MED23: variants seen among roughly 807,000 people sequenced by gnomAD.
The protein encoded by MED23 is mediator complex subunit 23.
A neutral mutation model predicts 163.9 loss-of-function variants in MED23; 105 were observed. That is an observed-to-expected ratio of 0.64 (90% CI 0.55 to 0.75). The LOEUF (loss-of-function observed/expected upper bound fraction) is 0.75, where lower values mean the gene tolerates loss of function less well. MED23 is among the 30% of genes least tolerant of loss of function. MED23 has a pLI of 0.00. For missense variants in MED23, 1,054 were observed against 1,649.0 expected (o/e 0.64, Z 6.25); for synonymous variants, 561 against 565.6 (o/e 0.99, Z 0.12).
chr6:131,589,416 G>A (rs1774423677), intron 28 of MED23, 49 bp downstream of exon 28: 1 of 1,539,302 alleles, frequency 6.5e-7, no homozygotes, highest in African/African-American at 1.4e-5. Context: ...ATATGTTCAA[G>A]TTTTCTAAAT....
rs1384855581 is a variant in MED23, at chr6:131,586,820, C to T, written c.*859G>A. ...GCAATGCCAATTCCCCCAAAATTAACAATGTCTCTCAAAATCCAAGAAATA... is the reference window on the plus strand; with the variant it reads ...GCAATGCCAATTCCCCCAAAATTAATAATGTCTCTCAAAATCCAAGAAATA... On this transcript the variant is annotated 3_prime_UTR_variant, in exon 29 of 29. Coordinates refer to ENST00000368068, the MANE Select transcript of MED23 (RefSeq NM_004830.4). The T allele has an allele frequency of 7.3e-6, 11 of 1,517,120 alleles. No individual in the cohort carries two copies. The South Asian group carries it at 1.2e-4, about 17-fold the overall frequency. The allele number at this position is 1,517,120 out of a possible 1,614,324, so 94.0% of individuals were successfully genotyped here. A position where few individuals can be genotyped will look rare whatever the true frequency, so the allele number is the denominator to read the frequency against.
chr6:131,590,291 C>G, intron 27 of MED23, 31 bp downstream of exon 27: 20 of 1,593,964 alleles, frequency 1.3e-5, no homozygotes, highest in Non-Finnish European at 1.6e-5. Context: ...AGAATTTAAT[C>G]ATGTCACAGG....
intron 30 of MED23, among the ~76,000 whole-genome samples, chr6:131,575,504 G>A (rs917505663): frequency 2.6e-5 from 4 of 152,096 alleles, no homozygotes; most frequent in Non-Finnish European, 5.9e-5. Context: ...AGGATAGGGC[G>A]GGTCCCTTGC....
At chr6:131,579,363 A>G in intron 30 of MED23, 1 of 1,513,988 alleles carries the variant, frequency 6.6e-7, no homozygotes, top group Non-Finnish European at 9.0e-7. Context: ...GAAAATTTAG[A>G]AATATAGACA....
In MED23 at chr6:131,606,856, T is replaced by G. The variant is rs186106129; in HGVS notation, c.1222-232A>C. 6.0e-4 allele frequency among the ~76,000 whole-genome samples: 91 copies of G among 152,308 alleles called. No homozygotes were observed. In the Middle Eastern group the frequency reaches 0.01, roughly 17 times the overall value. On this transcript the variant is annotated intron_variant, in intron 12 of 28. Coordinates refer to ENST00000368068, the MANE Select transcript of MED23 (RefSeq NM_004830.4). ...TTTACTTGCTTTAAGTAACACATAT[T>G]CACAGGTGCTTGGTCAAGCTTTTCC...
chr6:131,616,369 T>C (rs72999273), intron 9 of MED23, among the ~76,000 whole-genome samples: 114 of 152,356 alleles, frequency 7.5e-4, no homozygotes, highest in Non-Finnish European at 1.3e-3. Flanking sequence ...TCAATTTATA[T>C]AGATTTTGTC....
rs748579097 is a variant in MED23 at position 131,594,265 on chromosome 6, G to C, written c.3066C>G (p.Leu1022=). 7.4e-6 allele frequency: 12 copies of C among 1,614,132 alleles called. No individual in the cohort carries two copies. The highest frequency in any genetic ancestry group is 8.5e-6 in the Non-Finnish European group (10 of 1,180,000). ...TGATCGCATGGACGAGTTTTCGTTT[G>C]AGAAATGCGCGGTCTCTCAGGTGCA... ...YEMHLRDRAF[L]KRKLVHAIIG... The change falls in exon 23 of 29, where the codon CTC becomes CTG. Residue 1022 remains leucine (L), a synonymous_variant. Transcript: ENST00000368068.
intron 27 of MED23, 141 bp from the exon 28 acceptor site, chr6:131,589,737 A>G: frequency 1.3e-6 from 1 of 764,764 alleles, no homozygotes; most frequent in East Asian, 2.7e-5. Flanking sequence ...ATACACCTCT[A>G]TGCACATGAG....
intron 11 of MED23, among the ~76,000 whole-genome samples, chr6:131,609,506 C>CTTTTTT (rs71030751): frequency 2.2e-4 from 22 of 98,020 alleles, no homozygotes; most frequent in Non-Finnish European, 3.4e-4. Context: ...GAGACTATTC[C>CTTTTTT]TTTTTTTTTT....
intron 24 of MED23, 119 bp from the exon 25 acceptor site, chr6:131,592,579 A>T: frequency 2.3e-6 from 2 of 858,814 alleles, no homozygotes; most frequent in Non-Finnish European, 3.8e-6. Context: ...AATCCATTTC[A>T]ATAAAACAAT....
Position 131,586,896 on chromosome 6 carries a change from A to C in MED23, c.*783T>G. 4 of 1,452,602 alleles carry C rather than the reference A, an allele frequency of 2.8e-6. No homozygotes were observed. Among genetic ancestry groups the C allele is most frequent in the Non-Finnish European group, 3.7e-6 (4 of 1,073,616 alleles). 90.0% of individuals were successfully genotyped at this position (1,452,602 alleles called of 1,614,324 possible). A position where few individuals can be genotyped will look rare whatever the true frequency, so the allele number is the denominator to read the frequency against. ...AAAATTTAAAAATTTTAAGATTATA[A>C]AAATTGAAGAATTACATCATCTGTC... On this transcript the variant is annotated 3_prime_UTR_variant, in exon 29 of 29. Transcript: ENST00000368068.
intron 22 of MED23, 122 bp from the exon 23 acceptor site, chr6:131,594,457 T>C (rs141030309): frequency 1.0e-5 from 8 of 802,164 alleles, no homozygotes. Context: ...CAACTTCACA[T>C]GCTGGGCAAT....
At chr6:131,576,833 A>G (rs1773636157) in intron 30 of MED23, 3 of 1,096,848 alleles carry the variant, frequency 2.7e-6, no homozygotes, top group Admixed American at 3.7e-5. Context: ...GAATATTTAC[A>G]TCAGAATTGC....
At chr6:131,606,682 T>A in intron 12 of MED23, 58 bp from the exon 13 acceptor site, 1 of 1,393,130 alleles carries the variant, frequency 7.2e-7, no homozygotes, top group Non-Finnish European at 1.0e-6. Context: ...ATTAAATAAT[T>A]ATGTGTATTT....
At position 131,624,959 on chromosome 6, in the gene MED23, C is replaced by T. The variant is rs771739983; in HGVS notation, c.190G>A (p.Val64Ile). The T allele has an allele frequency of 1.4e-5, 22 of 1,613,744 alleles. No individual in the cohort carries two copies. Among genetic ancestry groups the T allele is most frequent in the Non-Finnish European group, 1.9e-5 (22 of 1,179,920 alleles). Reference protein sequence around the residue: ...ESHEQCIQWIVKFIHGQHSPK... With the variant: ...ESHEQCIQWIIKFIHGQHSPK... ...CTATGCTGACCATGAATAAACTTAA[C>T]AATCCACTGGATACACTGTTCATGA... The change falls in exon 4 of 29, where the codon GTT (valine) becomes ATT (isoleucine). Residue 64 changes from valine to isoleucine, a missense_variant. By Grantham distance (29) the Val-to-Ile change is conservative. Coordinates refer to ENST00000368068, the MANE Select transcript of MED23 (RefSeq NM_004830.4).
chr6:131,607,382 CA>C (rs1223956808), intron 12 of MED23, among the ~76,000 whole-genome samples: 1 of 151,692 alleles, frequency 6.6e-6, no homozygotes, highest in Non-Finnish European at 1.5e-5. Flanking sequence ...CTGTCTCTAC[CA>C]AAAATACAAA....
Position 131,624,879 on chromosome 6 carries a change from A to C in MED23, c.270T>G (p.Gly90=). 1.2e-6 allele frequency: 2 copies of C among 1,613,974 alleles called. No individual in the cohort carries two copies. Among genetic ancestry groups the C allele is most frequent in the Non-Finnish European group, 1.7e-6 (2 of 1,179,990 alleles). ...YDCLAMAVET[G]LLPPRLVCES... is the part of the protein sequence containing the mutation. ...ATTAAACGTACCTGGGTGGAAGGAG[A>C]CCAGTCTCAACTGCCATTGCTAAGC... The change falls in exon 4 of 29, where the codon GGT becomes GGG. Residue 90 remains glycine, a synonymous_variant. Transcript: ENST00000368068.
chr6:131,587,478 C>T lies in MED23; in HGVS notation c.*201G>A, dbSNP rs1774253367. The T allele has an allele frequency of 7.1e-7, 1 of 1,413,802 alleles. No individual in the cohort carries two copies. 87.6% of individuals were successfully genotyped at this position (1,413,802 alleles called of 1,614,324 possible). On this transcript the variant is annotated 3_prime_UTR_variant, in exon 29 of 29. Transcript: ENST00000368068. ...ATGAACAACATGTATCTTACTTGAT[C>T]TCTTAGAGACAAAAATATAGATAGG...
At chr6:131,582,738 T>C, downstream of MED23, 3 of 1,607,264 alleles carry the variant, frequency 1.9e-6, no homozygotes, top group South Asian at 2.2e-5. Flanking sequence ...CTTGATGTGA[T>C]TTGCCTCCAT....
Sources: gnomAD v4.1 joint callset for allele counts (sites outside exome capture counted in the v4.1 genomes callset) on GRCh38, gnomAD v4.1.1 for gene constraint, MANE v1.5 for transcripts, NCBI Gene and HGNC (gene_info 2026-07-23, HGNC 2026-07-21) for gene names.